The following ZNF474 variants were observed in gnomAD, a reference collection of about 807,000 sequenced individuals.
ZNF474 encodes 4933409D10Rik.
For missense variants in ZNF474, 511 were observed against 433.8 expected, an observed-to-expected ratio of 1.18 and a Z score of -1.58; for synonymous variants, 192 against 162.2, an observed-to-expected ratio of 1.18 and a Z score of -1.39.
intron 1 of ZNF474, among the ~76,000 whole-genome samples, chr5:122,143,794 A>G (rs1755912756): frequency 6.6e-6 from 1 of 152,116 alleles, no homozygotes; most frequent in Non-Finnish European, 1.5e-5. Context: ...ATTTCTTTAA[A>G]CTAATAATCT....
chr5:122,143,182 G>A (rs908169634), intron 1 of ZNF474, among the ~76,000 whole-genome samples: 1 of 152,074 alleles, frequency 6.6e-6, no homozygotes, highest in Non-Finnish European at 1.5e-5. Context: ...GTTCCTCCCG[G>A]ATTCAGTGAG....
At chr5:122,134,279 C>T (rs565613767) in intron 1 of ZNF474, among the ~76,000 whole-genome samples, 11 of 152,160 alleles carry the variant, frequency 7.2e-5, no homozygotes, top group South Asian at 2.1e-4. Flanking sequence ...ATAGAAGGTC[C>T]CCCAAGGTGC....
chr5:122,130,886 A>T (rs530592289), intron 1 of ZNF474, among the ~76,000 whole-genome samples: 22 of 152,218 alleles, frequency 1.4e-4, no homozygotes, highest in African/African-American at 4.6e-4. Context: ...AACACATTTC[A>T]ATTATTATTA....
intron 1 of ZNF474, among the ~76,000 whole-genome samples, chr5:122,146,953 A>G (rs1047273826): frequency 6.6e-6 from 1 of 152,238 alleles, no homozygotes; most frequent in African/African-American, 2.4e-5. Context: ...TTCACTAACT[A>G]CAAAGGAGCT....
intron 1 of ZNF474, among the ~76,000 whole-genome samples, chr5:122,141,299 T>C (rs1025048485): frequency 1.1e-5 from 1 of 94,092 alleles, no homozygotes; most frequent in Non-Finnish European, 2.1e-5. Flanking sequence ...TACCCCTGGC[T>C]ATTTTTTTTT....
At chr5:122,142,239 A>G (rs1755863491) in intron 1 of ZNF474, among the ~76,000 whole-genome samples, 1 of 152,242 alleles carries the variant, frequency 6.6e-6, no homozygotes, top group East Asian at 1.9e-4. Context: ...AACACAGAAG[A>G]TGGGAAAAAA....
intron 1 of ZNF474, among the ~76,000 whole-genome samples, chr5:122,143,701 A>G (rs973609919): frequency 6.6e-6 from 1 of 152,198 alleles, no homozygotes; most frequent in African/African-American, 2.4e-5. Context: ...TCTCTTATAA[A>G]GTATTTCCAG....
chr5:122,139,062 T>C (rs1755773451), intron 1 of ZNF474, among the ~76,000 whole-genome samples: 1 of 152,204 alleles, frequency 6.6e-6, no homozygotes. Context: ...TTGTAAAACA[T>C]TAAAATCAGA....
chr5:122,147,882 A>G (rs1756031928), intron 1 of ZNF474: 2 of 152,180 alleles, frequency 1.3e-5, no homozygotes, highest in South Asian at 4.2e-4. Context: ...AAGAGAATGG[A>G]AAAATGGCAT....
At position 122,152,243 on chromosome 5, in the gene ZNF474, CCT is replaced by C; in HGVS notation, c.254_255del (p.Pro85ArgfsTer28). On this transcript the variant is annotated frameshift_variant, in exon 2 of 2. Coordinates refer to ENST00000296600, the MANE Select transcript of ZNF474 (RefSeq NM_207317.3). LOFTEE classifies it low-confidence loss of function (END_TRUNC). ...TATATCGGAAAGCCAGCTTAGCCCC[CCT>C]GTGATCCCGGCCCGCAGGCCTGGAT... ...RIISESQLSP[P>X]VIPARRPGFR... 2 of 1,614,210 alleles carry C rather than the reference CCT, an allele frequency of 1.2e-6. No homozygotes were observed. The highest frequency in any genetic ancestry group is 1.7e-6 in the Non-Finnish European group (2 of 1,180,034).
chr5:122,140,881 T>C (rs77628016), intron 1 of ZNF474, among the ~76,000 whole-genome samples: 66 of 152,244 alleles, frequency 4.3e-4, no homozygotes, highest in African/African-American at 1.5e-3. Context: ...CCAAATTTTA[T>C]CCTTGCTTTG....
chr5:122,145,206 A>G (rs1167575382), intron 1 of ZNF474, among the ~76,000 whole-genome samples: 3 of 152,224 alleles, frequency 2.0e-5, no homozygotes, highest in Non-Finnish European at 2.9e-5. Context: ...GTTATTTATA[A>G]TCAGTCTAGA....
chr5:122,137,381 A>C (rs951033539), intron 1 of ZNF474, among the ~76,000 whole-genome samples: 11 of 126,430 alleles, frequency 8.7e-5, no homozygotes, highest in Admixed American at 2.1e-4. Flanking sequence ...CTGGAGCCAG[A>C]GGTTGCAGTG....
chr5:122,131,744 C>T (rs546901199), intron 1 of ZNF474, among the ~76,000 whole-genome samples: 77 of 152,054 alleles, frequency 5.1e-4, no homozygotes, highest in African/African-American at 1.7e-3. Flanking sequence ...TTTGCATATT[C>T]CTGATGACTA....
At chr5:122,137,003 A>T (rs1340024314) in intron 1 of ZNF474, among the ~76,000 whole-genome samples, 7 of 152,186 alleles carry the variant, frequency 4.6e-5, no homozygotes, top group African/African-American at 1.7e-4. Context: ...ATTTAAAGAG[A>T]TAAATATTAC....
In ZNF474 at chr5:122,152,482, G is replaced by T; in HGVS notation, c.492G>T (p.Gln164His). The T allele has an allele frequency of 6.2e-7, 1 of 1,614,182 alleles. No individual in the cohort carries two copies. The highest frequency in any genetic ancestry group is 8.5e-7 in the Non-Finnish European group (1 of 1,180,036). The change falls in exon 2 of 2, where the codon CAG becomes CAT. Residue 164 changes from glutamine (Q) to histidine (H), a missense_variant. Coordinates refer to ENST00000296600, the MANE Select transcript of ZNF474 (RefSeq NM_207317.3). ...CTGCATTTCAGAGTGCCCAGGCTCA[G>T]CTGCTGCCCTGTGAATCCTGTGGCC... ...NEAAFQSAQA[Q>H]LLPCESCGRT...
rs1756237045 is a variant in ZNF474 at position 122,152,938 on chromosome 5, G to C, written c.948G>C (p.Gln316His). The stretch of plus-strand genomic sequence containing the variant: ...CTCATCCTTATGGGCCAAAATATCA[G>C]AATTTGAATTTAGGGAGTAAAGGAG... ...CKTHPYGPKY[Q>H]NLNLGSKGGL... The change falls in exon 2 of 2, where the codon CAG becomes CAC. Residue 316 changes from glutamine to histidine, a missense_variant. By Grantham distance (24) the Gln-to-His change is conservative. Transcript: ENST00000296600. The C allele has an allele frequency of 3.1e-6, 5 of 1,606,606 alleles. No individual in the cohort carries two copies. The highest frequency in any genetic ancestry group is 4.2e-6 in the Non-Finnish European group (5 of 1,179,872).
intron 1 of ZNF474, among the ~76,000 whole-genome samples, chr5:122,140,826 C>T (rs918723784): frequency 2.6e-5 from 4 of 152,152 alleles, no homozygotes; most frequent in African/African-American, 9.7e-5. Context: ...TTCTGGGCAC[C>T]ACAGGCAGCA....
In ZNF474 at chr5:122,152,266, T is replaced by C. The variant is rs116318604; in HGVS notation, c.276T>C (p.Pro92=). Residue 92 remains proline (P), a synonymous_variant, in exon 2 of 2, where the codon CCT becomes CCC. Transcript: ENST00000296600. ...CCCCTGTGATCCCGGCCCGCAGGCCTGGATTCCGGGTATGCTATATCTGTG... is the reference window on the plus strand; with the variant it reads ...CCCCTGTGATCCCGGCCCGCAGGCCCGGATTCCGGGTATGCTATATCTGTG... ...LSPPVIPARR[P]GFRVCYICGR... The C allele has an allele frequency of 1.7e-4, 274 of 1,614,222 alleles. 1 individual carries two copies. The highest frequency in any genetic ancestry group is 1.6e-3 in the East Asian group (71 of 44,866).
Sources: gnomAD v4.1 joint callset for allele counts (sites outside exome capture counted in the v4.1 genomes callset) on GRCh38, gnomAD v4.1.1 for gene constraint, MANE v1.5 for transcripts, NCBI Gene and HGNC (gene_info 2026-07-23, HGNC 2026-07-21) for gene names.